The following AK7 variants were observed in gnomAD, a reference collection of about 807,000 sequenced individuals.
The protein encoded by AK7 is ATP-AMP transphosphorylase 7.
Under a neutral mutation model 96.6 loss-of-function variants are expected in AK7, and 78 were observed. That is an observed-to-expected ratio of 0.81 (90% CI 0.67 to 0.97). The LOEUF (loss-of-function observed/expected upper bound fraction) is 0.97, where lower values mean the gene tolerates loss of function less well. Ranked by LOEUF, AK7 falls within the 50% of genes least tolerant of loss-of-function variation. The pLI is 0.00. For missense variants in AK7, 855 were observed against 887.9 expected, an observed-to-expected ratio of 0.96 and a Z score of 0.47; for synonymous variants, 302 against 317.2, an observed-to-expected ratio of 0.95 and a Z score of 0.51.
chr14:96,479,628 A>G (rs1304581488), intron 15 of AK7, among the ~76,000 whole-genome samples: 1 of 152,094 alleles, frequency 6.6e-6, no homozygotes, highest in African/African-American at 2.4e-5. Context: ...CACAGCAAGC[A>G]CTCATGATCC....
chr14:96,445,337 A>G (rs1303762968), intron 7 of AK7, among the ~76,000 whole-genome samples: 1 of 152,210 alleles, frequency 6.6e-6, no homozygotes, highest in Non-Finnish European at 1.5e-5. Flanking sequence ...ACAGAGGAAA[A>G]AGCAAAAAGC....
intron 5 of AK7, among the ~76,000 whole-genome samples, 187 bp downstream of exon 5, chr14:96,421,119 C>G (rs922745145): frequency 6.6e-6 from 1 of 152,078 alleles, no homozygotes; most frequent in African/African-American, 2.4e-5. Context: ...ACCACCCAGC[C>G]GAGCTTGAGC....
intron 5 of AK7, among the ~76,000 whole-genome samples, chr14:96,421,851 C>A (rs542707269): frequency 6.6e-6 from 1 of 152,136 alleles, no homozygotes; most frequent in Non-Finnish European, 1.5e-5. Flanking sequence ...GTGATCCGCC[C>A]GCCTGGAACT....
chr14:96,416,414 T>C lies in AK7; in HGVS notation c.499-4408T>C, dbSNP rs558135680. 2.3e-3 allele frequency among the ~76,000 whole-genome samples: 340 copies of C among 148,302 alleles called. 2 individuals are homozygous for C. Among genetic ancestry groups the C allele is most frequent in the Non-Finnish European group, 4.2e-3 (284 of 67,172 alleles). On this transcript the variant is annotated intron_variant, in intron 4 of 17. Transcript: ENST00000267584. Reference sequence around the variant, plus strand: ...AAAAAAAAAAGAGAATCCAACAGAGTGCTAGAGTGTTACAAGAAAACAGAT... The same window carrying C: ...AAAAAAAAAAGAGAATCCAACAGAGCGCTAGAGTGTTACAAGAAAACAGAT...
intron 5 of AK7, among the ~76,000 whole-genome samples, chr14:96,433,570 T>A (rs988306543): frequency 6.6e-6 from 1 of 152,168 alleles, no homozygotes; most frequent in African/African-American, 2.4e-5. Context: ...TAGCCATTCA[T>A]CTAATCTTTT....
At chr14:96,434,129 A>G (rs1440598160) in intron 5 of AK7, among the ~76,000 whole-genome samples, 1 of 152,148 alleles carries the variant, frequency 6.6e-6, no homozygotes. Flanking sequence ...GTTCTTCAGT[A>G]TCTGGGCATT....
intron 5 of AK7, among the ~76,000 whole-genome samples, chr14:96,436,715 T>C (rs2369663): frequency 0.86 from 130,965 of 152,116 alleles, 56,769 homozygotes; most frequent in African/African-American, 0.96. Context: ...CCTGAAGAAG[T>C]TCAAGCGAGT....
intron 7 of AK7, among the ~76,000 whole-genome samples, chr14:96,444,937 C>T (rs183383671): frequency 6.6e-5 from 10 of 152,270 alleles, no homozygotes; most frequent in East Asian, 1.9e-4. Flanking sequence ...AGGCTGGTCT[C>T]GAACTCCTGA....
intron 4 of AK7, among the ~76,000 whole-genome samples, chr14:96,414,226 C>A (rs1359100526): frequency 6.6e-6 from 1 of 152,216 alleles, no homozygotes; most frequent in Non-Finnish European, 1.5e-5. Flanking sequence ...CTGTCGTGCA[C>A]ACTTGCATCA....
chr14:96,426,908 C>T (rs746431233), intron 5 of AK7, among the ~76,000 whole-genome samples: 15 of 152,202 alleles, frequency 9.9e-5, no homozygotes, highest in South Asian at 4.1e-4. Context: ...AGTCCATTTT[C>T]GCACTGCTAT....
At chr14:96,415,427 A>G (rs2140023598) in intron 4 of AK7, among the ~76,000 whole-genome samples, 1 of 152,322 alleles carries the variant, frequency 6.6e-6, no homozygotes, top group Non-Finnish European at 1.5e-5. Context: ...GATTCCCTGC[A>G]TCACATCTTT....
chr14:96,456,661 C>A, intron 11 of AK7, 186 bp downstream of exon 11: 1 of 568,836 alleles, frequency 1.8e-6, no homozygotes, highest in Non-Finnish European at 3.0e-6. Context: ...CCCCTCAGGC[C>A]TGAGAAGAGT....
In AK7 at chr14:96,392,251, A is replaced by T; in HGVS notation, c.97A>T (p.Ile33Phe). The T allele has an allele frequency of 2.5e-6, 4 of 1,612,254 alleles. No homozygotes were observed. Among genetic ancestry groups the T allele is most frequent in the Non-Finnish European group, 3.4e-6 (4 of 1,178,440 alleles). The change falls in exon 1 of 18, where the codon ATC becomes TTC. Residue 33 changes from isoleucine to phenylalanine, a missense_variant. Ile to Phe is a conservative substitution (Grantham distance 21, BLOSUM62 0). Coordinates refer to ENST00000267584, the MANE Select transcript of AK7 (RefSeq NM_152327.5). ...NLLDSYSSGN[I>F]GKFLSNCVVG... is the part of the protein sequence containing the mutation. ...GTTGGATTCCTACAGCAGCGGAAACATCGGGAAGGTGAGCGGCGGCGGCGG... is the reference window on the plus strand; with the variant it reads ...GTTGGATTCCTACAGCAGCGGAAACTTCGGGAAGGTGAGCGGCGGCGGCGG...
At chr14:96,408,566 A>G (rs1182782472) in intron 3 of AK7, among the ~76,000 whole-genome samples, 1 of 152,268 alleles carries the variant, frequency 6.6e-6, no homozygotes, top group Non-Finnish European at 1.5e-5. Flanking sequence ...AGAAGGGATC[A>G]GGCAACTGAT....
chr14:96,408,922 G>T lies in AK7; in HGVS notation c.479G>T (p.Arg160Leu), dbSNP rs750684821. 5 of 1,614,172 alleles carry T rather than the reference G, an allele frequency of 3.1e-6. No individual in the cohort carries two copies. Among genetic ancestry groups the T allele is most frequent in the Non-Finnish European group, 4.2e-6 (5 of 1,180,010 alleles). ...ILLSTVMTWA[R>L]SKALDPEDSE... ...CTGTCGACGGTGATGACTTGGGCGC[G>T]CTCCAAAGCCCTGGACCCCGTAAGT... The change falls in exon 4 of 18, where the codon CGC (arginine) becomes CTC (leucine). Residue 160 changes from arginine (R) to leucine (L), a missense_variant. Transcript: ENST00000267584.
chr14:96,457,464 A>T (rs2140125948), intron 11 of AK7, among the ~76,000 whole-genome samples: 1 of 152,214 alleles, frequency 6.6e-6, no homozygotes, highest in South Asian at 2.1e-4. Flanking sequence ...AGTAAACAGG[A>T]GATTTGTTAT....
chr14:96,422,222 AG>A (rs1159115259), intron 5 of AK7, among the ~76,000 whole-genome samples: 2 of 152,246 alleles, frequency 1.3e-5, no homozygotes, highest in African/African-American at 4.8e-5. Context: ...TACAGTATAC[AG>A]GGATAAGAAT....
rs757267586 is a variant in AK7, at chr14:96,392,193, G to C, written c.39G>C (p.Lys13Asn). The C allele has an allele frequency of 6.2e-7, 1 of 1,613,800 alleles. No homozygotes were observed. Among genetic ancestry groups the C allele is most frequent in the Non-Finnish European group, 8.5e-7 (1 of 1,179,698 alleles). ...AGGAAACTGCTGCTCTCACGGAGAA[G>C]GTTATCCGGACCCAGAGGGTGTTTA... ...EEEETAALTE[K>N]VIRTQRVFIN... Residue 13 changes from lysine to asparagine, a missense_variant, in exon 1 of 18, where the codon AAG (lysine) becomes AAC (asparagine). Coordinates refer to ENST00000267584, the MANE Select transcript of AK7 (RefSeq NM_152327.5).
rs1895895812 is a variant in AK7 at position 96,488,400 on chromosome 14, T to C, written c.*57T>C. Reference sequence around the variant, plus strand: ...CAGAACCACAGATCACTTATTATACTTTGAAAAATTGCTTTGAAAAATGCT... The same window carrying C: ...CAGAACCACAGATCACTTATTATACCTTGAAAAATTGCTTTGAAAAATGCT... On this transcript the variant is annotated 3_prime_UTR_variant, in exon 18 of 18. Coordinates refer to ENST00000267584, the MANE Select transcript of AK7 (RefSeq NM_152327.5). 6.8e-7 allele frequency: 1 copy of C among 1,480,322 alleles called. No individual in the cohort carries two copies. Among genetic ancestry groups the C allele is most frequent in the Non-Finnish European group, 9.2e-7 (1 of 1,090,746 alleles). The allele number at this position is 1,480,322 out of a possible 1,614,324, so 91.7% of individuals were successfully genotyped here.
Sources: gnomAD v4.1 joint callset for allele counts (sites outside exome capture counted in the v4.1 genomes callset) on GRCh38, gnomAD v4.1.1 for gene constraint, MANE v1.5 for transcripts, NCBI Gene and HGNC (gene_info 2026-07-23, HGNC 2026-07-21) for gene names.